CUL5: variants seen among roughly 807,000 people sequenced by gnomAD.
The protein encoded by CUL5 is cullin 5.
In CUL5, 26 loss-of-function variants were observed where a neutral mutation model predicts 108.8. That is an observed-to-expected ratio of 0.24 (90% confidence interval 0.18 to 0.33). The LOEUF (loss-of-function observed/expected upper bound fraction) is 0.33, where lower values mean the gene tolerates loss of function less well. Ranked by LOEUF, CUL5 falls within the 10% of genes least tolerant of loss-of-function variation. CUL5 has a pLI of 1.00. For synonymous variants in CUL5, 334 were observed against 298.0 expected, an observed-to-expected ratio of 1.12 and a Z score of -1.25; for missense variants, 524 against 909.2, an observed-to-expected ratio of 0.58 and a Z score of 5.45.
intron 7 of CUL5, among the ~76,000 whole-genome samples, chr11:108,057,226 C>G (rs1425302248): frequency 1.3e-5 from 2 of 152,156 alleles, no homozygotes; most frequent in African/African-American, 4.8e-5. Flanking sequence ...TCACGTCTCA[C>G]TATGTTGGTA....
intron 18 of CUL5, among the ~76,000 whole-genome samples, chr11:108,100,827 G>A (rs542863447): frequency 5.3e-5 from 8 of 152,196 alleles, no homozygotes; most frequent in South Asian, 2.1e-4. Context: ...CCAGGAGATC[G>A]AGACCATCCT....
chr11:108,016,240 CTCTTCTCTTCTCG>C (rs948644879), intron 1 of CUL5, among the ~76,000 whole-genome samples: 4 of 151,742 alleles, frequency 2.6e-5, no homozygotes, highest in Non-Finnish European at 4.4e-5. Context: ...CTTTTCTCTT[CTCTTCTCTTCTCG>C]TCTTCTCTTC....
intron 7 of CUL5, among the ~76,000 whole-genome samples, chr11:108,068,165 G>A (rs890165222): frequency 9.9e-5 from 15 of 152,198 alleles, no homozygotes; most frequent in African/African-American, 2.6e-4. Flanking sequence ...TGATCCGCCC[G>A]CCTTAGCCTC....
At chr11:108,071,331 A>G (rs976729115) in intron 8 of CUL5, among the ~76,000 whole-genome samples, 1 of 152,090 alleles carries the variant, frequency 6.6e-6, no homozygotes, top group Non-Finnish European at 1.5e-5. Flanking sequence ...CACGATCACA[A>G]TTCACTGTAG....
At chr11:108,014,924 G>A (rs1318158822) in intron 1 of CUL5, among the ~76,000 whole-genome samples, 1 of 151,950 alleles carries the variant, frequency 6.6e-6, no homozygotes, top group African/African-American at 2.4e-5. Context: ...TTTGAGACGG[G>A]GTCTCACTCT....
At chr11:108,097,598 T>G in intron 16 of CUL5, 38 bp from the exon 17 acceptor site, 2 of 1,183,248 alleles carry the variant, frequency 1.7e-6, no homozygotes, top group Non-Finnish European at 2.5e-6. Flanking sequence ...TTCCATACTG[T>G]TTATAGATGC....
At position 108,098,053 on chromosome 11, in the gene CUL5, GTTTCGT is replaced by G. The variant is rs1260302337; in HGVS notation, c.2024+303_2024+308del. Among the ~76,000 whole-genome samples, 9 of 151,530 alleles carry G rather than the reference GTTTCGT, an allele frequency of 5.9e-5. No homozygotes were observed. The East Asian group carries it at 1.2e-3, about 20-fold the overall frequency. On this transcript the variant is annotated intron_variant, in intron 17 of 18. Transcript: ENST00000393094. ...GAGAAAGCGTTTTTTGTGTTGTTTT[GTTTCGT>G]TTTTGTTTTTGTTTTTGTTTTTGTT...
intron 2 of CUL5, among the ~76,000 whole-genome samples, chr11:108,036,528 G>A (rs1862748406): frequency 6.6e-6 from 1 of 152,096 alleles, no homozygotes; most frequent in Admixed American, 6.6e-5. Flanking sequence ...GCCCAGGCTG[G>A]AATGCAGTGG....
chr11:108,056,270 A>G (rs1863375257), intron 7 of CUL5, among the ~76,000 whole-genome samples: 1 of 152,120 alleles, frequency 6.6e-6, no homozygotes, highest in Non-Finnish European at 1.5e-5. Context: ...CTTGATTTAG[A>G]TTTGCATTCT....
chr11:108,073,063 G>T (rs1021830424), intron 9 of CUL5, among the ~76,000 whole-genome samples: 11 of 151,860 alleles, frequency 7.2e-5, no homozygotes, highest in Non-Finnish European at 1.5e-4. Flanking sequence ...ATAGCCAGGC[G>T]GGGTGGCGGG....
At chr11:108,095,051 G>A in intron 15 of CUL5, 64 bp downstream of exon 15, 1 of 1,360,058 alleles carries the variant, frequency 7.4e-7, no homozygotes. Context: ...GGACTCCGCA[G>A]AATTGCTTAA....
intron 11 of CUL5, among the ~76,000 whole-genome samples, chr11:108,083,397 T>G (rs1362297676): frequency 6.6e-6 from 1 of 152,236 alleles, no homozygotes; most frequent in Non-Finnish European, 1.5e-5. Flanking sequence ...TTGTGAATCT[T>G]TATCTACAAG....
intron 12 of CUL5, 86 bp from the exon 13 acceptor site, chr11:108,089,406 G>T (rs1348016026): frequency 2.0e-6 from 2 of 999,848 alleles, no homozygotes; most frequent in East Asian, 2.8e-5. Context: ...TTTCTGACTT[G>T]TGACAATTGG....
At chr11:108,021,473 G>A (rs1455197500) in intron 1 of CUL5, among the ~76,000 whole-genome samples, 1 of 151,916 alleles carries the variant, frequency 6.6e-6, no homozygotes, top group Non-Finnish European at 1.5e-5. Context: ...TTGTTTCCTT[G>A]TATTATTTTT....
intron 1 of CUL5, among the ~76,000 whole-genome samples, chr11:108,027,590 G>T (rs571852743): frequency 6.6e-5 from 10 of 151,980 alleles, no homozygotes; most frequent in South Asian, 6.2e-4. Flanking sequence ...TGTATTTTTA[G>T]TAGAGACAGG....
At chr11:108,025,438 G>A (rs1223901995) in intron 1 of CUL5, among the ~76,000 whole-genome samples, 3 of 152,130 alleles carry the variant, frequency 2.0e-5, no homozygotes, top group Non-Finnish European at 4.4e-5. Flanking sequence ...ATGCAGTTAG[G>A]TAACTTGGAA....
rs1298170264 is a variant in CUL5 at position 108,106,047 on chromosome 11, T to C, written c.*1663T>C. ...GGAATTTTGTTTAAAATTTTACACT[T>C]TAAGGTAGCAAATGTCAATTATTAG... is the stretch of plus-strand genomic sequence containing the variant. On this transcript the variant is annotated 3_prime_UTR_variant, in exon 19 of 19. Transcript: ENST00000393094. 2.0e-5 allele frequency: 3 copies of C among 152,126 alleles called. No homozygotes were observed. The highest frequency in any genetic ancestry group is 4.4e-5 in the Non-Finnish European group (3 of 67,998). The allele number at this position is 152,126 out of a possible 1,614,324, so 9.4% of individuals were successfully genotyped here.
chr11:108,036,642 T>C (rs749837293), intron 2 of CUL5, among the ~76,000 whole-genome samples: 1 of 152,152 alleles, frequency 6.6e-6, no homozygotes, highest in Non-Finnish European at 1.5e-5. Flanking sequence ...TGTGCCAGGC[T>C]AATTTTTGTA....
At chr11:108,077,645 A>G (rs1863974531) in intron 10 of CUL5, among the ~76,000 whole-genome samples, 1 of 147,220 alleles carries the variant, frequency 6.8e-6, no homozygotes, top group South Asian at 2.2e-4. Flanking sequence ...AAAAAAAAAG[A>G]AAAAAAATCT....
Sources: allele counts gnomAD v4.1 joint callset (sites outside exome capture counted in the v4.1 genomes callset), GRCh38; gene constraint gnomAD v4.1.1; transcripts MANE v1.5; gene names NCBI Gene and HGNC (gene_info 2026-07-23, HGNC 2026-07-21).